DVL3: variants seen among roughly 807,000 people sequenced by gnomAD.
DVL3 encodes dishevelled segment polarity protein 3.
DVL3 carries 27 observed loss-of-function variants against 67.4 expected under a neutral mutation model. The observed-to-expected ratio is 0.40, with a 90% CI of 0.30 to 0.55. The LOEUF (loss-of-function observed/expected upper bound fraction) is 0.55. Ranked by LOEUF, DVL3 falls within the 20% of genes least tolerant of loss-of-function variation. DVL3 has a pLI of 0.46. For synonymous variants in DVL3, 369 were observed against 396.8 expected (o/e 0.93, Z 0.83); for missense variants, 819 against 1,021.5 (o/e 0.80, Z 2.70).
chr3:184,169,914 T>C lies in DVL3; in HGVS notation c.1499-92T>C, dbSNP rs866853905. 1.8e-5 allele frequency: 22 copies of C among 1,196,952 alleles called. No homozygotes were observed. In the South Asian group the frequency reaches 3.0e-4, roughly 16 times the overall value. 74.1% of individuals were successfully genotyped at this position (1,196,952 alleles called of 1,614,324 possible). Reference sequence around the variant, plus strand: ...GCCTCCTCTCATTCTAGCCAGAAACTACCACGGTCTCTCTCATCCAGAGCC... The same window carrying C: ...GCCTCCTCTCATTCTAGCCAGAAACCACCACGGTCTCTCTCATCCAGAGCC... On this transcript the variant is annotated intron_variant, in intron 13 of 14. Transcript: ENST00000313143.
chr3:184,166,882 ACCGGCACCTT>A lies in DVL3; in HGVS notation c.1108_1117del (p.Gly370LeufsTer5). 1 of 1,614,004 alleles carries A rather than the reference ACCGGCACCTT, an allele frequency of 6.2e-7. No individual in the cohort carries two copies. Among genetic ancestry groups the A allele is most frequent in the Non-Finnish European group, 8.5e-7 (1 of 1,179,986 alleles). On this transcript the variant is annotated frameshift_variant, in exon 11 of 15. Coordinates refer to ENST00000313143, the MANE Select transcript of DVL3 (RefSeq NM_004423.4). LOFTEE classifies it high-confidence loss of function. The surrounding 1 kb of genome is among the most constrained non-coding windows in gnomAD (Gnocchi z 6.7). ...CTGGGTCTCCCACACTGCAGCCATGACCGGCACCTTCCCTGCATACGGCATGAGCCCCTCC... is the reference window on the plus strand; with the variant it reads ...CTGGGTCTCCCACACTGCAGCCATGACCCTGCATACGGCATGAGCCCCTCC...
rs760864867 is a variant in DVL3, at chr3:184,170,463, C to T, written c.1859C>T (p.Ala620Val). 78 of 1,584,226 alleles carry T rather than the reference C, an allele frequency of 4.9e-5. No homozygotes were observed. In the Admixed American group the frequency reaches 1.4e-3, roughly 29 times the overall value. Residue 620 changes from alanine to valine, a missense_variant, in exon 15 of 15, where the codon GCG (alanine) becomes GTG (valine). Physicochemically the swap from Ala to Val is moderately conservative, Grantham distance 64. Around this residue, in one of 3 missense-constraint regions of DVL3, gnomAD observed 324 missense variants for 331.3 expected, o/e 0.98. Coordinates refer to ENST00000313143, the MANE Select transcript of DVL3 (RefSeq NM_004423.4). This position sits in a 1 kb window ranked among gnomAD's most constrained non-coding sequence, Gnocchi z 6.5. ...AGCCTGCGGGGGCCGCGGGAGCGGG[C>T]GCCCAGCGAGCGCTCAGGGCCGGCG... is the stretch of plus-strand genomic sequence containing the variant. The part of the protein sequence containing the change: ...RSSLRGPRER[A>V]PSERSGPAAS...
At chr3:184,169,929 C>T (rs1316466174) in intron 13 of DVL3, 77 bp from the exon 14 acceptor site, 1 of 1,322,406 alleles carries the variant, frequency 7.6e-7, no homozygotes, top group African/African-American at 1.5e-5. Context: ...CGGTCTCTCT[C>T]ATCCAGAGCC....
chr3:184,168,178 G>A, intron 13 of DVL3, 113 bp downstream of exon 13: 2 of 1,288,986 alleles, frequency 1.6e-6, no homozygotes, highest in Non-Finnish European at 2.2e-6. Context: ...AGAGCCAGGG[G>A]CCCAATTCAA....
At chr3:184,156,811 G>A (rs1163669230) in intron 1 of DVL3, 1 of 281,430 alleles carries the variant, frequency 3.6e-6, no homozygotes, top group Admixed American at 4.8e-5. Context: ...CGCTGGGCCT[G>A]GAGGCGGTGG....
intron 1 of DVL3, among the ~76,000 whole-genome samples, chr3:184,162,950 G>A (rs925828673): frequency 3.3e-5 from 5 of 152,180 alleles, no homozygotes; most frequent in Non-Finnish European, 7.3e-5. Flanking sequence ...GGGCTAGGAA[G>A]GGGAGTGGAA....
chr3:184,156,226 C>T, intron 1 of DVL3: 1 of 434,222 alleles, frequency 2.3e-6, no homozygotes, highest in Non-Finnish European at 4.6e-6. Context: ...ATCTTTTCAG[C>T]AGCACAGCTC....
At chr3:184,158,751 G>C (rs371779508) in intron 1 of DVL3, among the ~76,000 whole-genome samples, 4 of 151,948 alleles carry the variant, frequency 2.6e-5, no homozygotes, top group Admixed American at 1.3e-4. Flanking sequence ...GCTCAGGGTA[G>C]GCCCAGCCAT....
rs533437340 is a variant in DVL3, at chr3:184,171,433, C to T, written c.*678C>T. The T allele has an allele frequency of 1.0e-5, 10 of 990,200 alleles. No individual in the cohort carries two copies. The African/African-American group carries it at 1.7e-4, about 17-fold the overall frequency. The allele number at this position is 990,200 out of a possible 1,614,324, so 61.3% of individuals were successfully genotyped here. On this transcript the variant is annotated 3_prime_UTR_variant, in exon 15 of 15. Transcript: ENST00000313143. ...AGGGAGCATCTCTGCTCTACCCCTG[C>T]CCCATGCCTGCCCTGCGTGCTGGTT...
rs1309291842 is a variant in DVL3, at chr3:184,166,263, C to G, written c.901C>G (p.Gln301Glu). 3.7e-6 allele frequency: 6 copies of G among 1,612,530 alleles called. No individual in the cohort carries two copies. The highest frequency in any genetic ancestry group is 1.7e-5 in the Admixed American group (1 of 59,510). ...GRIEPGDMLLQVNEINFENMS... is the reference protein window; with the variant it reads ...GRIEPGDMLLEVNEINFENMS... Reference sequence around the variant, plus strand: ...CATCGAGCCAGGAGATATGTTGTTACAGGTATCAGTGCCCATCCTAGGCGG... The same window carrying G: ...CATCGAGCCAGGAGATATGTTGTTAGAGGTATCAGTGCCCATCCTAGGCGG... The change falls in exon 8 of 15, where the codon CAG becomes GAG. Residue 301 changes from glutamine to glutamate, a missense_variant and splice_region_variant. Gln to Glu is a conservative substitution (Grantham distance 29). This residue lies in a region of DVL3 where 385 missense variants were observed against 486.8 expected (regional missense o/e 0.79). Transcript: ENST00000313143. The surrounding 1 kb of genome is among the most constrained non-coding windows in gnomAD (Gnocchi z 6.7).
intron 1 of DVL3, chr3:184,156,519 C>A: frequency 2.2e-6 from 1 of 456,026 alleles, no homozygotes; most frequent in Non-Finnish European, 4.4e-6. Context: ...TAGGAAGGGC[C>A]TGGGGCCTGG....
Position 184,173,437 on chromosome 3 carries a change from TAG to T in DVL3, c.*2685_*2686del, listed in dbSNP as rs1421999437. 1 of 152,198 alleles carries T rather than the reference TAG, an allele frequency of 6.6e-6. No individual in the cohort carries two copies. The highest frequency in any genetic ancestry group is 1.5e-5 in the Non-Finnish European group (1 of 68,030). The allele number at this position is 152,198 out of a possible 1,614,324, so 9.4% of individuals were successfully genotyped here. ...AGCTCTACTATTTTTGGTTGTGTGA[TAG>T]AGTTATTTAACCTCTCTGAGCCTCA... is the stretch of plus-strand genomic sequence containing the variant. On this transcript the variant is annotated 3_prime_UTR_variant, in exon 15 of 15. Transcript: ENST00000313143.
In DVL3 at chr3:184,167,255, G is replaced by T. The variant is rs918122079; in HGVS notation, c.1198+280G>T. ...TTTACCAGGTTCCTGTGGGTTTAAT[G>T]AGAGGATATAAGTGAAGCACCATTG... On this transcript the variant is annotated intron_variant, in intron 11 of 14. Transcript: ENST00000313143. The surrounding 1 kb of genome is among the most constrained non-coding windows in gnomAD (Gnocchi z 4.6). Among the ~76,000 whole-genome samples the T allele has an allele frequency of 6.6e-6, 1 of 152,200 alleles. No individual in the cohort carries two copies. The highest frequency in any genetic ancestry group is 2.4e-5 in the African/African-American group (1 of 41,444).
chr3:184,158,619 A>G (rs1053627387), intron 1 of DVL3, among the ~76,000 whole-genome samples: 1 of 152,202 alleles, frequency 6.6e-6, no homozygotes, highest in Admixed American at 6.5e-5. Flanking sequence ...CCCTAGAGGA[A>G]GGAAAGTGGG....
Position 184,170,555 on chromosome 3 carries a change from C to A in DVL3, c.1951C>A (p.Pro651Thr). 6.2e-7 allele frequency: 1 copy of A among 1,612,540 alleles called. No homozygotes were observed. The highest frequency in any genetic ancestry group is 8.5e-7 in the Non-Finnish European group (1 of 1,179,194). The change falls in exon 15 of 15, where the codon CCG (proline) becomes ACG (threonine). Residue 651 changes from proline to threonine, a missense_variant. Pro to Thr is a conservative substitution (Grantham distance 38). Around this residue, in one of 3 missense-constraint regions of DVL3, gnomAD observed 324 missense variants for 331.3 expected, o/e 0.98. Transcript: ENST00000313143. The surrounding 1 kb of genome is among the most constrained non-coding windows in gnomAD (Gnocchi z 6.5). ...ASSLRSHHTH[P>T]SYGPPGVPPL... ...CAGCCTTCGCAGCCACCACACACAC[C>A]CGAGCTACGGTCCTCCCGGAGTGCC...
chr3:184,166,818 C>T lies in DVL3; in HGVS notation c.1049-8C>T. On this transcript the variant is annotated splice_polypyrimidine_tract_variant and splice_region_variant and intron_variant, in intron 10 of 14. Transcript: ENST00000313143. This position sits in a 1 kb window ranked among gnomAD's most constrained non-coding sequence, Gnocchi z 6.7. Reference sequence around the variant, plus strand: ...TGGGTAGCCCATGACTCCTCATCCTCCCTGCAGGCGAGCCCATCCGGCCCA... The same window carrying T: ...TGGGTAGCCCATGACTCCTCATCCTTCCTGCAGGCGAGCCCATCCGGCCCA... 6.2e-7 allele frequency: 1 copy of T among 1,613,888 alleles called. No homozygotes were observed. The highest frequency in any genetic ancestry group is 8.5e-7 in the Non-Finnish European group (1 of 1,179,932).
chr3:184,167,063 C>A lies in DVL3; in HGVS notation c.1198+88C>A. 6.7e-7 allele frequency: 1 copy of A among 1,499,980 alleles called. No homozygotes were observed. The allele number at this position is 1,499,980 out of a possible 1,614,324, so 92.9% of individuals were successfully genotyped here. Reference sequence around the variant, plus strand: ...GTCCATGTGGAGACTCTTGCTTGAGCATCAGAGAGGGCTGGAGATGGGGCT... The same window carrying A: ...GTCCATGTGGAGACTCTTGCTTGAGAATCAGAGAGGGCTGGAGATGGGGCT... On this transcript the variant is annotated intron_variant, in intron 11 of 14. Transcript: ENST00000313143. This position sits in a 1 kb window ranked among gnomAD's most constrained non-coding sequence, Gnocchi z 4.6.
Position 184,172,971 on chromosome 3 carries a change from A to G in DVL3, c.*2216A>G, listed in dbSNP as rs1714899198. On this transcript the variant is annotated 3_prime_UTR_variant, in exon 15 of 15. Transcript: ENST00000313143. ...CATGCCTGTCAGTATCAGTGCTTCC[A>G]TCGTTCCATCTTTGATTCACTTCTC... 6.6e-6 allele frequency: 1 copy of G among 152,284 alleles called. No individual in the cohort carries two copies. The highest frequency in any genetic ancestry group is 1.5e-5 in the Non-Finnish European group (1 of 68,062). 9.4% of individuals were successfully genotyped at this position (152,284 alleles called of 1,614,324 possible).
Position 184,171,344 on chromosome 3 carries a change from C to T in DVL3, c.*589C>T, listed in dbSNP as rs1211446876. On this transcript the variant is annotated 3_prime_UTR_variant, in exon 15 of 15. Transcript: ENST00000313143. ...CCTCCAATAGCCATCCATGCCATCCCTGCCTGTGCCTAGATCAGAGGCCCA... is the reference window on the plus strand; with the variant it reads ...CCTCCAATAGCCATCCATGCCATCCTTGCCTGTGCCTAGATCAGAGGCCCA... The T allele has an allele frequency of 1.9e-5, 19 of 1,019,170 alleles. No homozygotes were observed. Among genetic ancestry groups the T allele is most frequent in the Non-Finnish European group, 2.0e-5 (17 of 851,960 alleles). 63.1% of individuals were successfully genotyped at this position (1,019,170 alleles called of 1,614,324 possible).
Sources: gnomAD v4.1 joint callset for allele counts (sites outside exome capture counted in the v4.1 genomes callset) on GRCh38, gnomAD v4.1.1 for gene constraint, gnomAD v4.1.1 regional missense constraint, Gnocchi (gnomAD v3.1) non-coding constraint, MANE v1.5 for transcripts, NCBI Gene and HGNC (gene_info 2026-07-23, HGNC 2026-07-21) for gene names.